The following UNKL variants were observed in gnomAD, a reference collection of about 807,000 sequenced individuals.
The protein encoded by UNKL is unk like zinc finger, also known as putative E3 ubiquitin-protein ligase UNKL.
A neutral mutation model predicts 78.0 loss-of-function variants in UNKL; 60 were observed. That is an observed-to-expected ratio of 0.77 (90% confidence interval 0.63 to 0.95). UNKL has a LOEUF of 0.95. Among genes scored for constraint, UNKL ranks in the 40% least tolerant of loss-of-function variants. UNKL has a pLI of 0.00. For missense variants in UNKL, 1,159 were observed against 1,045.7 expected, an observed-to-expected ratio of 1.11 and a Z score of -1.49; for synonymous variants, 608 against 474.8, an observed-to-expected ratio of 1.28 and a Z score of -3.65.
chr16:1,390,647 C>T lies in UNKL; in HGVS notation c.1071G>A (p.Glu357=). 6.5e-7 allele frequency: 1 copy of T among 1,536,034 alleles called. No individual in the cohort carries two copies. The highest frequency in any genetic ancestry group is 8.7e-7 in the Non-Finnish European group (1 of 1,146,874). Residue 357 remains glutamate (E), a synonymous_variant, in exon 9 of 15, where the codon GAG becomes GAA. Transcript: ENST00000389221. ...SPAEGGPRGS[E]QDSKQNHLAV... is the part of the protein sequence containing the mutation. ...GGGCCTGTACCTGCTTGCTGTCTTG[C>T]TCGCTGCCCCTAGGGCCACCCTCGG...
intron 10 of UNKL, among the ~76,000 whole-genome samples, chr16:1,381,877 G>GCTGCTCCA (rs2036619839): frequency 1.3e-5 from 2 of 152,210 alleles, no homozygotes; most frequent in South Asian, 4.1e-4. Flanking sequence ...CACAGGAGTT[G>GCTGCTCCA]GAGGCTGCAG....
intron 10 of UNKL, among the ~76,000 whole-genome samples, chr16:1,379,881 G>A (rs2036531502): frequency 6.6e-6 from 1 of 152,130 alleles, no homozygotes; most frequent in Non-Finnish European, 1.5e-5. Flanking sequence ...GAGGTCTTCA[G>A]GCAGAAAGCC....
At position 1,399,676 on chromosome 16, in the gene UNKL, G is replaced by A. The variant is rs1312477793; in HGVS notation, c.599-167C>T. On this transcript the variant is annotated intron_variant, in intron 4 of 14. Transcript: ENST00000389221. The surrounding 1 kb of genome is among the most constrained non-coding windows in gnomAD (Gnocchi z 5.8). Reference sequence around the variant, plus strand: ...CACACGCTGATGTCAAAGGACTCGCGCTCCATGAGGGAAGCCGGGCCAGAA... The same window carrying A: ...CACACGCTGATGTCAAAGGACTCGCACTCCATGAGGGAAGCCGGGCCAGAA... 63 of 1,035,564 alleles carry A rather than the reference G, an allele frequency of 6.1e-5. No homozygotes were observed. The highest frequency in any genetic ancestry group is 8.1e-5 in the Non-Finnish European group (59 of 725,110). 64.1% of individuals were successfully genotyped at this position (1,035,564 alleles called of 1,614,324 possible). A position where few individuals can be genotyped will look rare whatever the true frequency, so the allele number is the denominator to read the frequency against.
intron 9 of UNKL, among the ~76,000 whole-genome samples, chr16:1,389,049 C>T (rs2036936020): frequency 6.6e-6 from 1 of 151,860 alleles, no homozygotes; most frequent in Non-Finnish European, 1.5e-5. Context: ...TGAACACTTG[C>T]CCCCTCCCCC....
intron 12 of UNKL, 106 bp downstream of exon 12, chr16:1,370,024 A>C (rs1241558422): frequency 1.3e-6 from 2 of 1,551,106 alleles, no homozygotes; most frequent in African/African-American, 2.7e-5. Flanking sequence ...GCCACCACAG[A>C]TAGGGCACAA....
intron 10 of UNKL, among the ~76,000 whole-genome samples, chr16:1,377,565 C>T (rs565018920): frequency 2.6e-5 from 4 of 152,222 alleles, no homozygotes; most frequent in Non-Finnish European, 5.9e-5. Context: ...CACCGCTGCC[C>T]CGGGCCCTTC....
At chr16:1,406,110 C>G (rs1386218283) in intron 2 of UNKL, 1 of 453,256 alleles carries the variant, frequency 2.2e-6, no homozygotes, top group Non-Finnish European at 4.5e-6. Flanking sequence ...ACACGACTCC[C>G]TTCCAGCTTA....
rs748213102 is a variant in UNKL at position 1,366,392 on chromosome 16, T to C, written c.2050A>G (p.Ile684Val). The C allele has an allele frequency of 2.5e-6, 4 of 1,588,642 alleles. No homozygotes were observed. Among genetic ancestry groups the C allele is most frequent in the Non-Finnish European group, 3.4e-6 (4 of 1,164,426 alleles). Residue 684 changes from isoleucine (I) to valine (V), a missense_variant, in exon 15 of 15, where the codon ATC becomes GTC. By Grantham distance (29) the Ile-to-Val change is conservative (BLOSUM62 3). Transcript: ENST00000389221. ...RLDLEAVDGV[I>V]FQLRAKQCVA... ...CACTGCTTGGCGCGGAGCTGGAAGA[T>C]CACCTGCAGGGCCAGAACAATGACG...
chr16:1,398,416 A>C (rs2037369516), intron 5 of UNKL: 5 of 1,036,576 alleles, frequency 4.8e-6, no homozygotes, highest in Admixed American at 5.0e-5. Flanking sequence ...ACAAAATCTC[A>C]GACACTAATT....
At chr16:1,391,554 C>T (rs999789405) in intron 8 of UNKL, among the ~76,000 whole-genome samples, 99 of 152,302 alleles carry the variant, frequency 6.5e-4, no homozygotes, top group African/African-American at 2.4e-3. Flanking sequence ...CCACCTCAGC[C>T]TCCCAAAGTG....
At chr16:1,401,479 G>A (rs1304282675) in intron 4 of UNKL, 89 bp downstream of exon 4, 20 of 1,360,374 alleles carry the variant, frequency 1.5e-5, no homozygotes, top group Non-Finnish European at 1.9e-5. Flanking sequence ...CACGTAAACT[G>A]AAAGGCACAG....
rs1310821782 is a variant in UNKL, at chr16:1,364,367, C to T, written c.*1873G>A. The T allele has an allele frequency of 6.6e-6, 1 of 152,214 alleles. No homozygotes were observed. The highest frequency in any genetic ancestry group is 2.4e-5 in the African/African-American group (1 of 41,452). The allele number at this position is 152,214 out of a possible 1,614,324, so 9.4% of individuals were successfully genotyped here. A position where few individuals can be genotyped will look rare whatever the true frequency, so the allele number is the denominator to read the frequency against. ...GGTCACTGATGATAAAGATTTTTAC[C>T]TAGACGTTTTGCACTTAAAAAATGC... is the stretch of plus-strand genomic sequence containing the variant. On this transcript the variant is annotated 3_prime_UTR_variant, in exon 15 of 15. Coordinates refer to ENST00000389221, the MANE Select transcript of UNKL (RefSeq NM_001372107.1).
At chr16:1,378,981 G>C (rs921624516) in intron 10 of UNKL, 2 of 152,276 alleles carry the variant, frequency 1.3e-5, no homozygotes, top group African/African-American at 4.8e-5. Context: ...CCCTTGTGCA[G>C]AGGCAAAATC....
intron 2 of UNKL, chr16:1,408,589 C>T (rs2037886680): frequency 1.9e-5 from 3 of 154,118 alleles, no homozygotes; most frequent in Non-Finnish European, 4.4e-5. Flanking sequence ...GAGATGACAG[C>T]AGGGGCTGTA....
chr16:1,364,987 A>G lies in UNKL; in HGVS notation c.*1253T>C, dbSNP rs2035125729. ...GCCTAGGACAGCTCTGAGTAATCAG[A>G]AAACAGCTTTTTTTTTTTTTTTTTG... On this transcript the variant is annotated 3_prime_UTR_variant, in exon 15 of 15. Coordinates refer to ENST00000389221, the MANE Select transcript of UNKL (RefSeq NM_001372107.1). 6.6e-6 allele frequency: 1 copy of G among 151,842 alleles called. No individual in the cohort carries two copies. The highest frequency in any genetic ancestry group is 1.5e-5 in the Non-Finnish European group (1 of 68,054). 9.4% of individuals were successfully genotyped at this position (151,842 alleles called of 1,614,324 possible). A position where few individuals can be genotyped will look rare whatever the true frequency, so the allele number is the denominator to read the frequency against.
intron 10 of UNKL, among the ~76,000 whole-genome samples, chr16:1,377,486 G>A (rs368469906): frequency 1.3e-5 from 2 of 151,936 alleles, no homozygotes; most frequent in South Asian, 4.2e-4. Flanking sequence ...CCCTCAGAAA[G>A]GAGACCCCCC....
At chr16:1,394,385 T>C in intron 6 of UNKL, 170 bp from the exon 7 acceptor site, 1 of 786,198 alleles carries the variant, frequency 1.3e-6, no homozygotes, top group Non-Finnish European at 2.2e-6. Flanking sequence ...GGTCCCCACA[T>C]CCCTCCTCTC....
At chr16:1,372,212 C>T (rs921352746) in intron 10 of UNKL, among the ~76,000 whole-genome samples, 4 of 151,906 alleles carry the variant, frequency 2.6e-5, no homozygotes, top group African/African-American at 9.7e-5. Flanking sequence ...TGCAGTGAGC[C>T]GAGATCGTGC....
rs189078139 is a variant in UNKL at position 1,403,096 on chromosome 16, C to T, written c.464+72G>A. 49 of 1,501,092 alleles carry T rather than the reference C, an allele frequency of 3.3e-5. No homozygotes were observed. Among genetic ancestry groups the T allele is most frequent in the Middle Eastern group, 2.3e-4 (1 of 4,272 alleles). The allele number at this position is 1,501,092 out of a possible 1,614,324, so 93.0% of individuals were successfully genotyped here. A position where few individuals can be genotyped will look rare whatever the true frequency, so the allele number is the denominator to read the frequency against. ...AGCAGCAGGGAGGCGAGCCACTTGC[C>T]GAGTTCCTGCTCATCCAGCAGAGCC... On this transcript the variant is annotated intron_variant, in intron 3 of 14. Transcript: ENST00000389221. The surrounding 1 kb of genome is among the most constrained non-coding windows in gnomAD (Gnocchi z 4.8).
Sources: gnomAD v4.1 joint callset for allele counts (sites outside exome capture counted in the v4.1 genomes callset) on GRCh38, gnomAD v4.1.1 for gene constraint, Gnocchi (gnomAD v3.1) non-coding constraint, MANE v1.5 for transcripts, NCBI Gene and HGNC (gene_info 2026-07-23, HGNC 2026-07-21) for gene names.